Variants in PPP1R12B observed in about 807,000 individuals in gnomAD.
PPP1R12B encodes myosin phosphatase target subunit 2.
PPP1R12B carries 76 observed loss-of-function variants against 126.1 expected under a neutral mutation model. The observed-to-expected ratio is 0.60, with a 90% CI of 0.50 to 0.73. The LOEUF is 0.73. Ranked by LOEUF, PPP1R12B falls within the 30% of genes least tolerant of loss-of-function variation. PPP1R12B has a pLI of 0.00. For synonymous variants in PPP1R12B, 356 were observed against 434.7 expected, an observed-to-expected ratio of 0.82 and a Z score of 2.25; for missense variants, 1,052 against 1,205.1, an observed-to-expected ratio of 0.87 and a Z score of 1.88.
chr1:202,581,462 C>G lies in PPP1R12B; in HGVS notation c.*902C>G, dbSNP rs1010264246. On this transcript the variant is annotated 3_prime_UTR_variant, in exon 24 of 24. Coordinates refer to ENST00000608999, the MANE Select transcript of PPP1R12B (RefSeq NM_002481.4). ...AAGTGTCAGCTCATTGTTTTCGTCTCCCACTTATCTTCCCCCTTCAAAGTG... is the reference window on the plus strand; with the variant it reads ...AAGTGTCAGCTCATTGTTTTCGTCTGCCACTTATCTTCCCCCTTCAAAGTG... 6.6e-6 allele frequency: 1 copy of G among 152,184 alleles called. No individual in the cohort carries two copies. The highest frequency in any genetic ancestry group is 2.4e-5 in the African/African-American group (1 of 41,436). 9.4% of individuals were successfully genotyped at this position (152,184 alleles called of 1,614,324 possible).
At chr1:202,386,477 G>A (rs1291600340) in intron 1 of PPP1R12B, among the ~76,000 whole-genome samples, 1 of 152,018 alleles carries the variant, frequency 6.6e-6, no homozygotes, top group Non-Finnish European at 1.5e-5. Flanking sequence ...GACTACAGGT[G>A]CCCGCCACTG....
At position 202,580,644 on chromosome 1, in the gene PPP1R12B, A is replaced by C; in HGVS notation, c.*84A>C. The C allele has an allele frequency of 1.8e-6, 2 of 1,127,114 alleles. No homozygotes were observed. The highest frequency in any genetic ancestry group is 2.7e-6 in the Non-Finnish European group (2 of 745,070). The allele number at this position is 1,127,114 out of a possible 1,614,324, so 69.8% of individuals were successfully genotyped here. On this transcript the variant is annotated 3_prime_UTR_variant, in exon 24 of 24. Coordinates refer to ENST00000608999, the MANE Select transcript of PPP1R12B (RefSeq NM_002481.4). Reference sequence around the variant, plus strand: ...TTTCCAGTCCTTGCCTTCCAACCAAAAGAAATGGATGTTTTGGTGGAAGGA... The same window carrying C: ...TTTCCAGTCCTTGCCTTCCAACCAACAGAAATGGATGTTTTGGTGGAAGGA...
intron 18 of PPP1R12B, among the ~76,000 whole-genome samples, chr1:202,505,202 C>T (rs1558311121): frequency 6.6e-6 from 1 of 152,164 alleles, no homozygotes; most frequent in Non-Finnish European, 1.5e-5. Flanking sequence ...CTAAATGTTT[C>T]AAATTGTGTT....
rs769726322 is a variant in PPP1R12B at position 202,495,286 on chromosome 1, T to G, written c.2146-7T>G. On this transcript the variant is annotated splice_region_variant and splice_polypyrimidine_tract_variant and intron_variant, in intron 15 of 23. Coordinates refer to ENST00000608999, the MANE Select transcript of PPP1R12B (RefSeq NM_002481.4). ...TTCTAATATCTCATATTGTGGATTA[T>G]TTCCAGCCTATCTGTCATCGCCTGA... The G allele has an allele frequency of 6.5e-7, 1 of 1,544,042 alleles. No individual in the cohort carries two copies. The highest frequency in any genetic ancestry group is 2.1e-5 in the Admixed American group (1 of 47,702).
At chr1:202,561,295 A>G (rs900350532) in intron 19 of PPP1R12B, among the ~76,000 whole-genome samples, 8 of 152,162 alleles carry the variant, frequency 5.3e-5, no homozygotes, top group African/African-American at 1.7e-4. Flanking sequence ...AGCATTGTTT[A>G]TAATAGCTAA....
chr1:202,572,216 A>G (rs1225530131), intron 23 of PPP1R12B, among the ~76,000 whole-genome samples: 1 of 152,230 alleles, frequency 6.6e-6, no homozygotes, highest in Non-Finnish European at 1.5e-5. Flanking sequence ...GGGACCCAGT[A>G]GAGCTTGGGG....
intron 1 of PPP1R12B, among the ~76,000 whole-genome samples, chr1:202,377,902 C>G (rs1661507082): frequency 7.7e-6 from 1 of 130,700 alleles, no homozygotes; most frequent in Non-Finnish European, 1.5e-5. Context: ...TGCAGTGGCG[C>G]GATCTCGGCT....
rs149394946 is a variant in PPP1R12B, at chr1:202,387,031, G to GC, written c.292-29755dup. Among the ~76,000 whole-genome samples the GC allele has an allele frequency of 3.2e-3, 483 of 152,262 alleles. 3 individuals are homozygous for GC. Among genetic ancestry groups the GC allele is most frequent in the African/African-American group, 0.011 (462 of 41,550 alleles). ...AACTTAGTCTAGTGACTAAGAAGAT[G>GC]CAACTATTGATGTTTATATTTGCAT... is the stretch of plus-strand genomic sequence containing the variant. On this transcript the variant is annotated intron_variant, in intron 1 of 23. Transcript: ENST00000608999.
chr1:202,528,986 G>T (rs1683649588), intron 18 of PPP1R12B, among the ~76,000 whole-genome samples: 1 of 152,094 alleles, frequency 6.6e-6, no homozygotes, highest in Admixed American at 6.6e-5. Context: ...ATCTCCAATG[G>T]AAATGTGAAA....
At chr1:202,421,845 T>C (rs1238221101) in intron 2 of PPP1R12B, among the ~76,000 whole-genome samples, 2 of 152,178 alleles carry the variant, frequency 1.3e-5, no homozygotes, top group African/African-American at 4.8e-5. Flanking sequence ...ATGAACTAGA[T>C]TTGAAGTCAA....
intron 18 of PPP1R12B, among the ~76,000 whole-genome samples, chr1:202,500,024 G>A (rs1471978270): frequency 6.6e-6 from 1 of 152,232 alleles, no homozygotes; most frequent in African/African-American, 2.4e-5. Flanking sequence ...CTATTGGTGG[G>A]AATATAAATT....
chr1:202,571,912 G>C (rs1688647760), intron 23 of PPP1R12B, among the ~76,000 whole-genome samples: 1 of 152,206 alleles, frequency 6.6e-6, no homozygotes, highest in Non-Finnish European at 1.5e-5. Context: ...CAGGTTTGCA[G>C]ATCGTCCAGC....
intron 18 of PPP1R12B, among the ~76,000 whole-genome samples, chr1:202,509,016 A>G (rs1441406625): frequency 6.6e-5 from 10 of 152,256 alleles, no homozygotes; most frequent in Non-Finnish European, 1.3e-4. Context: ...GGGAGTGACT[A>G]TGTTCCAATA....
intron 13 of PPP1R12B, among the ~76,000 whole-genome samples, chr1:202,465,105 C>T (rs368953135): frequency 1.3e-5 from 2 of 152,130 alleles, no homozygotes; most frequent in Admixed American, 1.3e-4. Flanking sequence ...ATCTTTGTAA[C>T]TTTGTCAGAT....
Position 202,496,854 on chromosome 1 carries a change from G to A in PPP1R12B, c.2490+32G>A, listed in dbSNP as rs369324515. On this transcript the variant is annotated intron_variant, in intron 18 of 23. Coordinates refer to ENST00000608999, the MANE Select transcript of PPP1R12B (RefSeq NM_002481.4). The stretch of plus-strand genomic sequence containing the variant: ...GACAAGCCAGTGAAGCATGTCTCTT[G>A]AGAGCACAGTCTTGCTCTTGTATGT... 24 of 1,589,304 alleles carry A rather than the reference G, an allele frequency of 1.5e-5. No homozygotes were observed. In the South Asian group the frequency reaches 1.5e-4, roughly 10 times the overall value.
At chr1:202,435,090 C>T (rs376566263) in intron 9 of PPP1R12B, among the ~76,000 whole-genome samples, 2 of 152,102 alleles carry the variant, frequency 1.3e-5, no homozygotes, top group Non-Finnish European at 2.9e-5. Context: ...GTCTCTTTCT[C>T]TTCTTATAAG....
chr1:202,515,061 A>C (rs975819728), intron 18 of PPP1R12B, among the ~76,000 whole-genome samples: 2 of 152,196 alleles, frequency 1.3e-5, no homozygotes, highest in African/African-American at 4.8e-5. Flanking sequence ...CAAATACCAC[A>C]TGTTGTCACT....
At chr1:202,437,724 C>T (rs1449710367) in intron 9 of PPP1R12B, 97 bp from the exon 10 acceptor site, 1 of 1,099,452 alleles carries the variant, frequency 9.1e-7, no homozygotes, top group Non-Finnish European at 1.3e-6. Flanking sequence ...CCTTATGTTG[C>T]CTCGCTGAAC....
intron 10 of PPP1R12B, chr1:202,438,370 G>T: frequency 1.2e-6 from 1 of 815,090 alleles, no homozygotes; most frequent in East Asian, 3.5e-5. Flanking sequence ...TGGATCCAGA[G>T]GGCCAATTCC....
Sources: allele counts gnomAD v4.1 joint callset (sites outside exome capture counted in the v4.1 genomes callset), GRCh38; gene constraint gnomAD v4.1.1; transcripts MANE v1.5; gene names NCBI Gene and HGNC (gene_info 2026-07-23, HGNC 2026-07-21).